The following GPC6 variants were observed in gnomAD, a reference collection of about 807,000 sequenced individuals.
GPC6 encodes glypican 6, also known as glypican-6.
A neutral mutation model predicts 55.2 loss-of-function variants in GPC6; 14 were observed. The ratio of observed to expected loss-of-function variants is 0.25; its 90% CI spans 0.17 to 0.40. The LOEUF (loss-of-function observed/expected upper bound fraction) is 0.40. Among genes scored for constraint, GPC6 ranks in the 10% least tolerant of loss-of-function variants. GPC6 has a pLI of 1.00. For synonymous variants in GPC6, 278 were observed against 259.6 expected, an observed-to-expected ratio of 1.07 and a Z score of -0.68; for missense variants, 641 against 708.5, an observed-to-expected ratio of 0.90 and a Z score of 1.08.
chr13:93,278,520 A>G (rs1160909970), intron 1 of GPC6, among the ~76,000 whole-genome samples: 1 of 152,230 alleles, frequency 6.6e-6, no homozygotes, highest in Non-Finnish European at 1.5e-5. Flanking sequence ...AAATATTCTT[A>G]TAAGACATTT....
At chr13:93,747,170 G>GAGGT (rs934944359) in intron 2 of GPC6, among the ~76,000 whole-genome samples, 2 of 152,154 alleles carry the variant, frequency 1.3e-5, no homozygotes, top group African/African-American at 4.8e-5. Flanking sequence ...AGGCCAAAGG[G>GAGGT]AGGTAGAAGA....
chr13:93,371,197 T>C (rs1874634368), intron 1 of GPC6, among the ~76,000 whole-genome samples: 1 of 152,048 alleles, frequency 6.6e-6, no homozygotes, highest in South Asian at 2.1e-4. Flanking sequence ...AGAGAGTTAA[T>C]GATTCGGGAA....
intron 2 of GPC6, among the ~76,000 whole-genome samples, chr13:93,754,536 G>T (rs958560542): frequency 6.6e-6 from 1 of 151,938 alleles, no homozygotes; most frequent in Non-Finnish European, 1.5e-5. Flanking sequence ...GGGTGCATTA[G>T]GTAAAGAGCT....
intron 2 of GPC6, among the ~76,000 whole-genome samples, chr13:93,709,118 A>G (rs1882956736): frequency 6.6e-6 from 1 of 151,874 alleles, no homozygotes; most frequent in African/African-American, 2.4e-5. Flanking sequence ...TGCCATTTTT[A>G]GCATGTTACT....
intron 1 of GPC6, among the ~76,000 whole-genome samples, chr13:93,237,935 T>G (rs1290453281): frequency 6.6e-6 from 1 of 152,180 alleles, no homozygotes; most frequent in Non-Finnish European, 1.5e-5. Flanking sequence ...GTGTCTATTT[T>G]TACACTATTA....
the GPC6 span, among the ~76,000 whole-genome samples, chr13:93,221,225 G>C: frequency 9.3e-4 from 141 of 152,292 alleles, no homozygotes; most frequent in African/African-American, 3.3e-3. Flanking sequence ...ACTATTGATA[G>C]TAGTATTTTA....
At chr13:94,176,577 T>C (rs1326454601) in intron 4 of GPC6, among the ~76,000 whole-genome samples, 4 of 152,172 alleles carry the variant, frequency 2.6e-5, no homozygotes, top group Non-Finnish European at 5.9e-5. Context: ...CCAATACACA[T>C]GAACCTCGTT....
chr13:93,775,819 C>A (rs900779031), intron 2 of GPC6, among the ~76,000 whole-genome samples: 1 of 145,800 alleles, frequency 6.9e-6, no homozygotes, highest in African/African-American at 2.7e-5. Flanking sequence ...CTAAACAAAC[C>A]AATTTCAACA....
At chr13:93,568,633 G>A (rs2139470489) in intron 2 of GPC6, among the ~76,000 whole-genome samples, 1 of 152,206 alleles carries the variant, frequency 6.6e-6, no homozygotes, top group African/African-American at 2.4e-5. Context: ...AGAGTTGAGA[G>A]CTGAGCTGTA....
intron 1 of GPC6, among the ~76,000 whole-genome samples, chr13:93,362,692 T>A (rs199511027): frequency 2.0e-5 from 3 of 151,558 alleles, no homozygotes; most frequent in African/African-American, 4.8e-5. Context: ...AAAAAAAAAT[T>A]TTTTTTAAAG....
chr13:93,780,937 A>C (rs7994290), intron 2 of GPC6, among the ~76,000 whole-genome samples: 98,706 of 151,976 alleles, frequency 0.65, 32,537 homozygotes, highest in East Asian at 0.8. Flanking sequence ...ATAGGCATAG[A>C]ATAAAATGTT....
intron 4 of GPC6, among the ~76,000 whole-genome samples, chr13:94,272,540 C>T (rs1378622068): frequency 1.4e-5 from 2 of 143,372 alleles, no homozygotes; most frequent in African/African-American, 5.3e-5. Context: ...GCCATCTCAG[C>T]TCACTGCAAG....
At chr13:93,305,062 G>A (rs1391836863) in intron 1 of GPC6, among the ~76,000 whole-genome samples, 1 of 152,084 alleles carries the variant, frequency 6.6e-6, no homozygotes, top group Non-Finnish European at 1.5e-5. Context: ...GCAGGTGATG[G>A]TATCAGGATT....
At chr13:93,412,796 A>G (rs931715965) in intron 1 of GPC6, among the ~76,000 whole-genome samples, 1 of 152,204 alleles carries the variant, frequency 6.6e-6, no homozygotes, top group African/African-American at 2.4e-5. Flanking sequence ...ATGACCCTGC[A>G]GGAAGGTCTG....
chr13:93,981,576 G>A (rs975320038), intron 3 of GPC6, among the ~76,000 whole-genome samples: 1 of 152,088 alleles, frequency 6.6e-6, no homozygotes, highest in African/African-American at 2.4e-5. Flanking sequence ...TAATTTTCTG[G>A]TGCTGAAACA....
chr13:94,076,052 A>G (rs1244893358), intron 4 of GPC6, among the ~76,000 whole-genome samples: 1 of 151,954 alleles, frequency 6.6e-6, no homozygotes, highest in African/African-American at 2.4e-5. Context: ...TTTTCATAGT[A>G]GCTGTAATAT....
chr13:93,978,975 T>A (rs1880649627), intron 3 of GPC6, among the ~76,000 whole-genome samples: 2 of 152,134 alleles, frequency 1.3e-5, no homozygotes, highest in Non-Finnish European at 1.5e-5. Context: ...TGGACAAACT[T>A]CCTTTGTGAA....
At chr13:93,659,142 A>G (rs1880814469) in intron 2 of GPC6, among the ~76,000 whole-genome samples, 1 of 151,912 alleles carries the variant, frequency 6.6e-6, no homozygotes, top group African/African-American at 2.4e-5. Context: ...CATATTCGTT[A>G]GTATAAAATT....
At position 93,259,112 on chromosome 13, in the gene GPC6, T is replaced by C. The variant is rs532147433; in HGVS notation, c.160+31496T>C. On this transcript the variant is annotated intron_variant, in intron 1 of 8. Transcript: ENST00000377047. ...TTATTGATTACTTTTCGTGCTGCTTTAGAAACAAGCTCCACTTCTCTTTAC... is the reference window on the plus strand; with the variant it reads ...TTATTGATTACTTTTCGTGCTGCTTCAGAAACAAGCTCCACTTCTCTTTAC... Among the ~76,000 whole-genome samples the C allele has an allele frequency of 6.0e-4, 92 of 152,316 alleles. 1 individual carries two copies. Among genetic ancestry groups the C allele is most frequent in the African/African-American group, 2.1e-3 (88 of 41,578 alleles).
Sources: allele counts gnomAD v4.1 joint callset (sites outside exome capture counted in the v4.1 genomes callset), GRCh38; gene constraint gnomAD v4.1.1; transcripts MANE v1.5; gene names NCBI Gene and HGNC (gene_info 2026-07-23, HGNC 2026-07-21).